Variants in ZNF75D observed in about 807,000 individuals in gnomAD.
ZNF75D encodes the protein zinc finger protein 75D, also known as zinc finger protein 75.
Under a neutral mutation model 33.3 loss-of-function variants are expected in ZNF75D, and 33 were observed. The ratio of observed to expected loss-of-function variants is 0.99; its 90% CI spans 0.75 to 1.32. The LOEUF (loss-of-function observed/expected upper bound fraction) is 1.32, where lower values mean the gene tolerates loss of function less well. ZNF75D is among the 40% of genes most tolerant of loss of function. The probability of loss-of-function intolerance (pLI) is 0.00; values close to 1 mark genes in which losing one functional copy is unlikely to be tolerated. For synonymous variants in ZNF75D, 113 were observed against 130.6 expected (o/e 0.87, Z 0.92); for missense variants, 338 against 367.5 (o/e 0.92, Z 0.66).
Position 135,286,800 on chromosome X carries a change from CAT to C in ZNF75D, c.*335_*336del, listed in dbSNP as rs1410344205. The C allele has an allele frequency of 1.6e-5, 3 of 190,877 alleles. No individual in the cohort carries two copies. The highest frequency in any genetic ancestry group is 1.3e-4 in the East Asian group (1 of 7,996). The allele number at this position is 190,877 out of a possible 1,213,427, so 15.7% of individuals were successfully genotyped here. On this transcript the variant is annotated 3_prime_UTR_variant, in exon 7 of 7. Transcript: ENST00000370766. ...AAATGAGACTAAGAGCCTTGACTAT[CAT>C]ATGTCTGTTGAGCACTTGATACCTG...
chrX:135,276,666 T>C (rs1556417627), intron 1 of ZNF75D, among the ~76,000 whole-genome samples: 1 of 96,409 alleles, frequency 1.0e-5, no homozygotes, highest in Admixed American at 1.2e-4. Flanking sequence ...CAGGCCCCAG[T>C]GTGCGATGTT....
rs370328425 is a variant in ZNF75D at position 135,257,900 on chromosome X, T to G, written n.828-2123A>C. 9.9e-4 allele frequency among the ~76,000 whole-genome samples: 109 copies of G among 110,400 alleles called. 2 individuals are homozygous for G. Among genetic ancestry groups the G allele is most frequent in the East Asian group, 3.1e-3 (11 of 3,556 alleles). ...GGTTTTATACATGTGCCATGCTGGTTTGCTGCACCCATCAACTCATCATTC... is the reference window on the plus strand; with the variant it reads ...GGTTTTATACATGTGCCATGCTGGTGTGCTGCACCCATCAACTCATCATTC... On this transcript the variant is annotated intron_variant and non_coding_transcript_variant, in intron 1 of 3. Coordinates refer to the ZNF75D transcript ENST00000494295.
chrX:135,329,324 C>T (rs993503703), intron 1 of ZNF75D, among the ~76,000 whole-genome samples: 3 of 111,792 alleles, frequency 2.7e-5, no homozygotes, highest in African/African-American at 9.8e-5. Flanking sequence ...TACTCTGTAG[C>T]CCAAGCTGGA....
chrX:135,263,038 C>T (rs1556415797), intron 1 of ZNF75D, among the ~76,000 whole-genome samples: 1 of 112,821 alleles, frequency 8.9e-6, no homozygotes, highest in Admixed American at 9.3e-5. Flanking sequence ...AGTTTTCCTT[C>T]TAACAGTCAG....
rs1187615274 is a variant in ZNF75D, at chrX:135,342,589, G to T, written c.-1212C>A. ...TTCGGTTCCTCCCCCACATTCTCCA[G>T]CTGCTCCTGTTCCTCTCAATTAGAC... On this transcript the variant is annotated 5_prime_UTR_variant, in exon 1 of 7. The change creates a new upstream start codon in the 5' untranslated region. Coordinates refer to ENST00000370766, the MANE Select transcript of ZNF75D (RefSeq NM_007131.5). 1 of 112,200 alleles carries T rather than the reference G, an allele frequency of 8.9e-6. No individual in the cohort carries two copies. Among genetic ancestry groups the T allele is most frequent in the Non-Finnish European group, 1.9e-5 (1 of 53,670 alleles). The allele number at this position is 112,200 out of a possible 1,213,427, so 9.2% of individuals were successfully genotyped here.
In ZNF75D at chrX:135,287,172, T is replaced by G. The variant is rs371378374; in HGVS notation, c.1498A>C (p.Arg500=). 2.2e-5 allele frequency: 27 copies of G among 1,208,196 alleles called. No homozygotes were observed. The highest frequency in any genetic ancestry group is 3.0e-5 in the Non-Finnish European group (27 of 894,597). ...GACACTAGACATGCTTCCCTTCTTC[T>G]GTGGAGTTTCTGGTGTCTAAGAAGG... The part of the protein sequence containing the change: ...SSLLRHQKLH[R]RREACLVSPN Residue 500 remains arginine (R), a synonymous_variant, in exon 7 of 7, where the codon AGA becomes CGA. Transcript: ENST00000370766.
chrX:135,324,712 G>A (rs1346457235), intron 1 of ZNF75D, among the ~76,000 whole-genome samples: 2 of 112,419 alleles, frequency 1.8e-5, no homozygotes, highest in Non-Finnish European at 3.8e-5. Context: ...ATCACCGGCA[G>A]CAGGGCTTCA....
At chrX:135,272,300 T>C (rs1556417079) in intron 1 of ZNF75D, among the ~76,000 whole-genome samples, 1 of 102,138 alleles carries the variant, frequency 9.8e-6, no homozygotes, top group Admixed American at 1.1e-4. Context: ...GGTGTGAGAT[T>C]TTCCAGATCT....
chrX:135,273,247 G>A lies in ZNF75D; in HGVS notation n.828-17470C>T, dbSNP rs781858043. Reference sequence around the variant, plus strand: ...GCCTAAACATGGAGGCAACTGCCGGGTTCTGGCTGGGGCCACTCTGAAGGA... The same window carrying A: ...GCCTAAACATGGAGGCAACTGCCGGATTCTGGCTGGGGCCACTCTGAAGGA... On this transcript the variant is annotated intron_variant and non_coding_transcript_variant, in intron 1 of 3. Transcript: ENST00000494295. Among the ~76,000 whole-genome samples the A allele has an allele frequency of 8.9e-5, 10 of 111,767 alleles. No individual in the cohort carries two copies. The South Asian group carries it at 3.8e-3, about 43-fold the overall frequency.
At chrX:135,278,474 T>C (rs1190349733) in intron 1 of ZNF75D, among the ~76,000 whole-genome samples, 2 of 111,789 alleles carry the variant, frequency 1.8e-5, no homozygotes, top group Non-Finnish European at 3.8e-5. Flanking sequence ...TTGAATACCC[T>C]TTATTTCTTT....
chrX:135,270,129 G>A (rs2083876947), intron 1 of ZNF75D, among the ~76,000 whole-genome samples: 1 of 108,691 alleles, frequency 9.2e-6, no homozygotes, highest in Admixed American at 9.9e-5. Flanking sequence ...GGGAGGTGGG[G>A]ATGGTTAATG....
intron 6 of ZNF75D, among the ~76,000 whole-genome samples, chrX:135,289,380 G>C (rs782434925): frequency 9.8e-5 from 11 of 112,183 alleles, no homozygotes; most frequent in Non-Finnish European, 1.7e-4. Flanking sequence ...ACTTTGGGAG[G>C]CCAAGGCAGG....
intron 1 of ZNF75D, chrX:135,297,734 T>C (rs1197428029): frequency 8.9e-6 from 1 of 112,023 alleles, no homozygotes; most frequent in Admixed American, 9.4e-5. Flanking sequence ...AATGCGTAAT[T>C]TTTAAGTGAG....
At chrX:135,326,890 C>T (rs781906985) in intron 1 of ZNF75D, among the ~76,000 whole-genome samples, 1 of 112,301 alleles carries the variant, frequency 8.9e-6, no homozygotes, top group South Asian at 3.8e-4. Flanking sequence ...ACTCCAGACG[C>T]GCCACCTTAA....
In ZNF75D at chrX:135,250,447, A is replaced by G. The variant is rs2083777307; in HGVS notation, n.1297-1146T>C. Among the ~76,000 whole-genome samples, 3 of 106,695 alleles carry G rather than the reference A, an allele frequency of 2.8e-5. 1 individual carries two copies. The highest frequency in any genetic ancestry group is 5.8e-5 in the Non-Finnish European group (3 of 51,322). 92.7% of individuals were successfully genotyped at this position (106,695 alleles called of 115,157 possible). A position where few individuals can be genotyped will look rare whatever the true frequency, so the allele number is the denominator to read the frequency against. ...GGAAATGTAGCTCCAGTTCAATGAA[A>G]ATTTTCACAAACGGTGAGTATTGAC... is the stretch of plus-strand genomic sequence containing the variant. On this transcript the variant is annotated intron_variant and non_coding_transcript_variant, in intron 3 of 3. Transcript: ENST00000494295.
intron 1 of ZNF75D, among the ~76,000 whole-genome samples, chrX:135,258,906 T>C (rs1365707978): frequency 4.4e-5 from 5 of 112,404 alleles, no homozygotes; most frequent in Non-Finnish European, 9.4e-5. Flanking sequence ...TAGGTTTCCT[T>C]CAAGGGTTTT....
intron 1 of ZNF75D, among the ~76,000 whole-genome samples, chrX:135,340,597 A>G (rs1158406236): frequency 8.9e-6 from 1 of 112,052 alleles, no homozygotes; most frequent in Non-Finnish European, 1.9e-5. Flanking sequence ...CAAATCTTAG[A>G]GCAGGCACAG....
Position 135,285,975 on chromosome X carries a change from C to T in ZNF75D, c.*1162G>A, listed in dbSNP as rs1556419281. The T allele has an allele frequency of 8.9e-6, 1 of 112,397 alleles. No individual in the cohort carries two copies. Among genetic ancestry groups the T allele is most frequent in the African/African-American group, 3.2e-5 (1 of 30,970 alleles). 9.3% of individuals were successfully genotyped at this position (112,397 alleles called of 1,213,427 possible). A position where few individuals can be genotyped will look rare whatever the true frequency, so the allele number is the denominator to read the frequency against. On this transcript the variant is annotated 3_prime_UTR_variant, in exon 7 of 7. Transcript: ENST00000370766. ...CCAACTTCCCTTGACGTCACATTATCTTCTCTTAAGAGATAGTCACTTTGG... is the reference window on the plus strand; with the variant it reads ...CCAACTTCCCTTGACGTCACATTATTTTCTCTTAAGAGATAGTCACTTTGG...
At chrX:135,262,173 G>C (rs1335446258) in intron 1 of ZNF75D, among the ~76,000 whole-genome samples, 1 of 112,142 alleles carries the variant, frequency 8.9e-6, no homozygotes, top group Non-Finnish European at 1.9e-5. Context: ...CTGTTAGTCT[G>C]ATGGGCTTCC....
Sources: allele counts gnomAD v4.1 joint callset (sites outside exome capture counted in the v4.1 genomes callset), GRCh38; gene constraint gnomAD v4.1.1; transcripts MANE v1.5; gene names NCBI Gene and HGNC (gene_info 2026-07-23, HGNC 2026-07-21).